Variants in FAM234A observed in about 807,000 individuals in gnomAD.
FAM234A encodes protein FAM234A.
Under a neutral mutation model 49.1 loss-of-function variants are expected in FAM234A, and 42 were observed. The ratio of observed to expected loss-of-function variants is 0.86; its 90% CI spans 0.67 to 1.11. The LOEUF is 1.11. Among genes scored for constraint, FAM234A ranks in the 50% least tolerant of loss-of-function variants. The probability of loss-of-function intolerance (pLI) is 0.00; values close to 1 mark genes in which losing one functional copy is unlikely to be tolerated. For missense variants in FAM234A, 815 were observed against 745.2 expected (o/e 1.09, Z -1.09); for synonymous variants, 369 against 316.2 (o/e 1.17, Z -1.77).
chr16:265,200 G>C lies in FAM234A; in HGVS notation c.*178G>C, dbSNP rs1232815752. The C allele has an allele frequency of 2.1e-6, 3 of 1,414,126 alleles. No homozygotes were observed. The African/African-American group carries it at 4.3e-5, about 20-fold the overall frequency. 87.6% of individuals were successfully genotyped at this position (1,414,126 alleles called of 1,614,324 possible). On this transcript the variant is annotated 3_prime_UTR_variant, in exon 13 of 13. Coordinates refer to ENST00000399932, the MANE Select transcript of FAM234A (RefSeq NM_032039.4). Reference sequence around the variant, plus strand: ...TGATCACACCCAGGGACCTGCATGGGTGAGGGGACACCCTGGGCCTCTCTC... The same window carrying C: ...TGATCACACCCAGGGACCTGCATGGCTGAGGGGACACCCTGGGCCTCTCTC...
At chr16:260,592 C>T (rs572957284) in intron 5 of FAM234A, 10 of 475,252 alleles carry the variant, frequency 2.1e-5, no homozygotes, top group African/African-American at 4.0e-5. Context: ...TGCAGGTCTC[C>T]GAGCCCCAGC....
intron 5 of FAM234A, chr16:260,593 G>A (rs941723581): frequency 2.1e-6 from 1 of 475,526 alleles, no homozygotes; most frequent in Non-Finnish European, 4.3e-6. Context: ...GCAGGTCTCC[G>A]AGCCCCAGCG....
intron 3 of FAM234A, 21 bp downstream of exon 3, chr16:254,702 C>G (rs774613360): frequency 1.9e-6 from 3 of 1,610,794 alleles, no homozygotes; most frequent in South Asian, 2.2e-5. Flanking sequence ...GCTTCCCCGC[C>G]CAGTGGGGTC....
intron 1 of FAM234A, among the ~76,000 whole-genome samples, chr16:238,693 G>A (rs1395927154): frequency 6.8e-6 from 1 of 148,034 alleles, no homozygotes. Flanking sequence ...GTGAACCCGG[G>A]AGGCGGAGGT....
chr16:254,728 C>T, intron 3 of FAM234A, 47 bp downstream of exon 3: 1 of 1,597,354 alleles, frequency 6.3e-7, no homozygotes, highest in Non-Finnish European at 8.5e-7. Flanking sequence ...CAGCTCTTCC[C>T]AGGGGATGGG....
At chr16:267,279 C>A (rs907765007), downstream of FAM234A, among the ~76,000 whole-genome samples, 2 of 152,080 alleles carry the variant, frequency 1.3e-5, no homozygotes, top group African/African-American at 4.8e-5. Flanking sequence ...CTACCCTGCT[C>A]ACCCTAGCCC....
intron 1 of FAM234A, among the ~76,000 whole-genome samples, chr16:247,713 G>A (rs536711287): frequency 3.9e-5 from 6 of 152,176 alleles, no homozygotes; most frequent in Admixed American, 2.0e-4. Context: ...GATTATAGGC[G>A]TGAGCCACCG....
chr16:248,506 G>A (rs1299873170), intron 1 of FAM234A: 1 of 151,844 alleles, frequency 6.6e-6, no homozygotes, highest in African/African-American at 2.4e-5. Context: ...TATACTCCAT[G>A]CTTATCCACA....
At chr16:257,269 A>G (rs2051272592) in intron 3 of FAM234A, among the ~76,000 whole-genome samples, 2 of 118,988 alleles carry the variant, frequency 1.7e-5, no homozygotes, top group African/African-American at 3.4e-5. Flanking sequence ...TTTTGGAGAC[A>G]GTCTTGCTCT....
At chr16:258,361 CGAG>C (rs2051322947) in intron 3 of FAM234A, among the ~76,000 whole-genome samples, 1 of 152,116 alleles carries the variant, frequency 6.6e-6, no homozygotes, top group Non-Finnish European at 1.5e-5. Context: ...TGACTCTTAA[CGAG>C]CATGCTGCCT....
chr16:260,015 C>T lies in FAM234A; in HGVS notation c.432C>T (p.Asn144=), dbSNP rs559837885. 32 of 1,609,790 alleles carry T rather than the reference C, an allele frequency of 2.0e-5. No individual in the cohort carries two copies. The highest frequency in any genetic ancestry group is 1.5e-4 in the African/African-American group (11 of 75,030). The stretch of plus-strand genomic sequence containing the variant: ...TTGCAGCTGCTGTGTCGGGGGCCAA[C>T]GGCAGCACGCTCTGGGAGAGACCTG... ...CTFAAAVSGA[N]GSTLWERPVA... The change falls in exon 5 of 13, where the codon AAC becomes AAT. Residue 144 remains asparagine, a synonymous_variant. Coordinates refer to ENST00000399932, the MANE Select transcript of FAM234A (RefSeq NM_032039.4).
At chr16:255,435 G>A (rs796345546) in intron 3 of FAM234A, among the ~76,000 whole-genome samples, 5 of 152,290 alleles carry the variant, frequency 3.3e-5, no homozygotes, top group Admixed American at 6.5e-5. Context: ...TCAGCCAGGC[G>A]TGGTGGCATG....
At chr16:250,077 G>C (rs9939662) in intron 2 of FAM234A, among the ~76,000 whole-genome samples, 5,039 of 152,176 alleles carry the variant, frequency 0.033, 242 homozygotes, top group African/African-American at 0.11. Context: ...TCCTATAGGC[G>C]CATGCCGCCA....
At chr16:268,122 G>A (rs930514359), downstream of FAM234A, among the ~76,000 whole-genome samples, 15 of 123,570 alleles carry the variant, frequency 1.2e-4, no homozygotes, top group East Asian at 7.5e-4. Context: ...TCATACACAC[G>A]ACACGTGCAC....
intron 3 of FAM234A, among the ~76,000 whole-genome samples, chr16:256,575 T>G (rs1480618036): frequency 6.6e-6 from 1 of 151,812 alleles, no homozygotes; most frequent in African/African-American, 2.4e-5. Context: ...ATTTATTTAT[T>G]TATTTATTTT....
intron 1 of FAM234A, among the ~76,000 whole-genome samples, chr16:237,367 G>T (rs980569976): frequency 2.6e-5 from 4 of 152,214 alleles, no homozygotes; most frequent in African/African-American, 9.6e-5. Flanking sequence ...GGGTGATTAT[G>T]ACTTCGGGTC....
downstream of FAM234A, among the ~76,000 whole-genome samples, chr16:267,868 T>TA (rs2051740870): frequency 7.3e-6 from 1 of 137,854 alleles, no homozygotes. Context: ...GTGCTACACA[T>TA]GCATCCTACA....
intron 1 of FAM234A, among the ~76,000 whole-genome samples, chr16:240,602 A>T (rs117549555): frequency 0.02 from 3,032 of 152,000 alleles, 61 homozygotes; most frequent in Non-Finnish European, 0.036. Context: ...TCCTTGGTTA[A>T]AGCGATACTC....
In FAM234A at chr16:254,690, C is replaced by T. The variant is rs777329540; in HGVS notation, c.268+9C>T. On this transcript the variant is annotated intron_variant, in intron 3 of 12. Coordinates refer to ENST00000399932, the MANE Select transcript of FAM234A (RefSeq NM_032039.4). ...AGACTACAGTGCCGCTGGTGAGCCT[C>T]GGCTTCCCCGCCCAGTGGGGTCCAA... The T allele has an allele frequency of 2.5e-6, 4 of 1,612,344 alleles. No individual in the cohort carries two copies. Among genetic ancestry groups the T allele is most frequent in the African/African-American group, 1.3e-5 (1 of 74,918 alleles).
Sources: gnomAD v4.1 joint callset for allele counts (sites outside exome capture counted in the v4.1 genomes callset) on GRCh38, gnomAD v4.1.1 for gene constraint, MANE v1.5 for transcripts, NCBI Gene and HGNC (gene_info 2026-07-23, HGNC 2026-07-21) for gene names.